The following FMO4 variants were observed in gnomAD, a reference collection of about 807,000 sequenced individuals.
FMO4 encodes dimethylaniline monooxygenase [N-oxide-forming] 4.
FMO4 carries 38 observed loss-of-function variants against 43.3 expected under a neutral mutation model. That is an observed-to-expected ratio of 0.88 (90% CI 0.68 to 1.15). The LOEUF (loss-of-function observed/expected upper bound fraction) is 1.15, where lower values mean the gene tolerates loss of function less well. Ranked by LOEUF, FMO4 falls within the 50% of genes most tolerant of loss-of-function variation. FMO4 has a pLI of 0.00. For synonymous variants in FMO4, 224 were observed against 232.2 expected (o/e 0.96, Z 0.32); for missense variants, 631 against 663.3 (o/e 0.95, Z 0.54).
At chr1:171,340,793 T>A (rs1338742816) in intron 9 of FMO4, among the ~76,000 whole-genome samples, 4 of 152,166 alleles carry the variant, frequency 2.6e-5, no homozygotes, top group Non-Finnish European at 5.9e-5. Flanking sequence ...AAGATATCCA[T>A]CTTTTTCTTT....
intron 5 of FMO4, among the ~76,000 whole-genome samples, chr1:171,327,666 G>C (rs952514000): frequency 6.6e-6 from 1 of 152,136 alleles, no homozygotes; most frequent in African/African-American, 2.4e-5. Flanking sequence ...TATAATCCCA[G>C]CACTTTGGGA....
chr1:171,328,420 G>A (rs12755206), intron 5 of FMO4, among the ~76,000 whole-genome samples: 5 of 152,056 alleles, frequency 3.3e-5, no homozygotes, highest in East Asian at 1.9e-4. Context: ...GGAGGCTGAC[G>A]CGGGCAGATC....
At chr1:171,333,036 T>G in intron 7 of FMO4, 128 bp downstream of exon 7, 1 of 623,040 alleles carries the variant, frequency 1.6e-6, no homozygotes, top group East Asian at 2.8e-5. Context: ...TCCATTTCCC[T>G]AAAACACTGT....
chr1:171,333,396 G>A (rs1662983109), intron 7 of FMO4, among the ~76,000 whole-genome samples: 1 of 151,616 alleles, frequency 6.6e-6, no homozygotes, highest in Non-Finnish European at 1.5e-5. Context: ...GCTAATTTTT[G>A]TATTTTTAGT....
chr1:171,325,364 CT>C (rs1401825477), intron 5 of FMO4, among the ~76,000 whole-genome samples: 1 of 152,122 alleles, frequency 6.6e-6, no homozygotes, highest in Non-Finnish European at 1.5e-5. Flanking sequence ...TAAAGCTACT[CT>C]TTTGTTACAT....
At chr1:171,322,589 A>C (rs1035010923) in intron 3 of FMO4, among the ~76,000 whole-genome samples, 3 of 152,206 alleles carry the variant, frequency 2.0e-5, no homozygotes, top group Non-Finnish European at 4.4e-5. Context: ...GCAGTGGCTC[A>C]TGCCTGTAAT....
intron 9 of FMO4, 152 bp from the exon 10 acceptor site, chr1:171,341,261 C>T (rs1663358808): frequency 1.6e-6 from 1 of 606,192 alleles, no homozygotes; most frequent in Non-Finnish European, 2.9e-6. Flanking sequence ...CCTTTAATTT[C>T]TTTCTTCCTA....
chr1:171,319,270 CA>C (rs1264023392), intron 2 of FMO4, among the ~76,000 whole-genome samples: 1 of 152,142 alleles, frequency 6.6e-6, no homozygotes, highest in Non-Finnish European at 1.5e-5. Flanking sequence ...CCGATCTTTC[CA>C]ACCATCCCCA....
chr1:171,322,911 C>T (rs1049986074), intron 3 of FMO4, 93 bp from the exon 4 acceptor site: 38 of 853,242 alleles, frequency 4.5e-5, no homozygotes, highest in Non-Finnish European at 6.4e-5. Flanking sequence ...TGCTATAACC[C>T]GCCCTCAGTG....
chr1:171,342,053 TATTCTAAAATAAATATATA>T lies in FMO4; in HGVS notation c.*215_*233del. ...TCTTCTACCCTGCTACCTCAGTGAT[TATTCTAAAATAAATATATA>T]TGATATGGTTTAGCTGTGTCCCCAC... On this transcript the variant is annotated 3_prime_UTR_variant, in exon 10 of 10. Coordinates refer to ENST00000367749, the MANE Select transcript of FMO4 (RefSeq NM_002022.3). The T allele has an allele frequency of 1.9e-6, 1 of 526,938 alleles. No homozygotes were observed. Among genetic ancestry groups the T allele is most frequent in the South Asian group, 2.6e-5 (1 of 38,424 alleles). 32.6% of individuals were successfully genotyped at this position (526,938 alleles called of 1,614,324 possible). A position where few individuals can be genotyped will look rare whatever the true frequency, so the allele number is the denominator to read the frequency against.
At position 171,319,801 on chromosome 1, in the gene FMO4, T is replaced by G. The variant is rs1039377186; in HGVS notation, c.-8-17T>G. On this transcript the variant is annotated splice_polypyrimidine_tract_variant and intron_variant, in intron 2 of 9. Transcript: ENST00000367749. Reference sequence around the variant, plus strand: ...ACTTATTAAATAAAGAAGTTCTGCTTGACTTTCCTCTAACAGAGCATACCA... The same window carrying G: ...ACTTATTAAATAAAGAAGTTCTGCTGGACTTTCCTCTAACAGAGCATACCA... 1 of 1,611,350 alleles carries G rather than the reference T, an allele frequency of 6.2e-7. No individual in the cohort carries two copies. The highest frequency in any genetic ancestry group is 8.5e-7 in the Non-Finnish European group (1 of 1,178,516).
Position 171,323,080 on chromosome 1 carries a change from G to C in FMO4, c.209G>C (p.Ser70Thr). 6.2e-7 allele frequency: 1 copy of C among 1,612,814 alleles called. No homozygotes were observed. The highest frequency in any genetic ancestry group is 8.5e-7 in the Non-Finnish European group (1 of 1,178,886). Residue 70 changes from serine to threonine, a missense_variant, in exon 4 of 10, where the codon AGT becomes ACT. Physicochemically the swap from Ser to Thr is moderately conservative, Grantham distance 58. Coordinates refer to ENST00000367749, the MANE Select transcript of FMO4 (RefSeq NM_002022.3). The part of the protein sequence containing the change: ...TNVCKEMSCY[S>T]DFPFHEDYPN... Reference sequence around the variant, plus strand: ...GTCTGTAAGGAAATGTCATGTTACAGTGACTTCCCTTTCCACGAAGATTAT... The same window carrying C: ...GTCTGTAAGGAAATGTCATGTTACACTGACTTCCCTTTCCACGAAGATTAT...
At chr1:171,333,316 T>G (rs1407749523) in intron 7 of FMO4, among the ~76,000 whole-genome samples, 1 of 152,070 alleles carries the variant, frequency 6.6e-6, no homozygotes, top group Non-Finnish European at 1.5e-5. Flanking sequence ...CTCTGCCTCC[T>G]GGGCTCAAGC....
chr1:171,317,936 G>A (rs2101873382), intron 2 of FMO4, among the ~76,000 whole-genome samples: 1 of 152,248 alleles, frequency 6.6e-6, no homozygotes, highest in Middle Eastern at 3.4e-3. Context: ...CTTTAATACT[G>A]ACAAATTCTA....
chr1:171,334,766 A>T lies in FMO4; in HGVS notation c.1180+3A>T, dbSNP rs369013232. The stretch of plus-strand genomic sequence containing the variant: ...ATGGGTCACAAGAGTATTCAAAGGT[A>T]CCATGACTCTACTGAAAGTCCTCTC... On this transcript the variant is annotated splice_donor_region_variant and intron_variant, in intron 8 of 9. Coordinates refer to ENST00000367749, the MANE Select transcript of FMO4 (RefSeq NM_002022.3). 4 of 1,503,602 alleles carry T rather than the reference A, an allele frequency of 2.7e-6. No homozygotes were observed. The African/African-American group carries it at 5.6e-5, about 21-fold the overall frequency. 93.1% of individuals were successfully genotyped at this position (1,503,602 alleles called of 1,614,324 possible). A position where few individuals can be genotyped will look rare whatever the true frequency, so the allele number is the denominator to read the frequency against.
intron 5 of FMO4, among the ~76,000 whole-genome samples, chr1:171,325,675 A>G (rs1662627038): frequency 6.6e-6 from 1 of 151,924 alleles, no homozygotes; most frequent in Non-Finnish European, 1.5e-5. Context: ...GGAATATAAA[A>G]ACACCTCTTA....
chr1:171,317,208 T>A (rs1370323760), intron 2 of FMO4, among the ~76,000 whole-genome samples: 1 of 152,186 alleles, frequency 6.6e-6, no homozygotes, highest in Non-Finnish European at 1.5e-5. Flanking sequence ...CTGGTCCTAA[T>A]AGCTCAAAAA....
At chr1:171,329,505 T>A (rs1017921777) in intron 5 of FMO4, among the ~76,000 whole-genome samples, 1 of 152,144 alleles carries the variant, frequency 6.6e-6, no homozygotes, top group African/African-American at 2.4e-5. Flanking sequence ...CTGGTCCACA[T>A]GAAATATAGA....
At position 171,332,745 on chromosome 1, in the gene FMO4, G is replaced by C; in HGVS notation, c.664G>C (p.Gly222Arg). ...TACTAGAACTGGTACCTGGGTTCTT[G>C]GGCGCTCTTCAGATTGGGGCTATCC... The part of the protein sequence containing the change: ...LSTRTGTWVL[G>R]RSSDWGYPYN... The change falls in exon 7 of 10, where the codon GGG becomes CGG. Residue 222 changes from glycine (G) to arginine (R), a missense_variant. By Grantham distance (125) the Gly-to-Arg change is moderately radical. Transcript: ENST00000367749. 5 of 1,611,244 alleles carry C rather than the reference G, an allele frequency of 3.1e-6. No homozygotes were observed. The highest frequency in any genetic ancestry group is 4.2e-6 in the Non-Finnish European group (5 of 1,177,600).
Sources: gnomAD v4.1 joint callset for allele counts (sites outside exome capture counted in the v4.1 genomes callset) on GRCh38, gnomAD v4.1.1 for gene constraint, MANE v1.5 for transcripts, NCBI Gene and HGNC (gene_info 2026-07-23, HGNC 2026-07-21) for gene names.